The following TRIM61 variants were observed in gnomAD, a reference collection of about 807,000 sequenced individuals.
The protein encoded by TRIM61 is tripartite motif containing 61, also known as putative tripartite motif-containing protein 61.
TRIM61 carries 1 observed loss-of-function variant against 14.2 expected under a neutral mutation model. The observed-to-expected ratio is 0.07, with a 90% CI of 0.03 to 0.33. The LOEUF is 0.33. Ranked by LOEUF, TRIM61 falls within the 10% of genes least tolerant of loss-of-function variation. The pLI is 0.99. For missense variants in TRIM61, 19 were observed against 202.2 expected (o/e 0.09, Z 5.49); for synonymous variants, 8 against 71.6 (o/e 0.11, Z 4.49).
At chr4:164,968,162 G>GGAAAAAGAAAAGAAAA (rs1181641000) in intron 3 of TRIM61, 119 bp downstream of exon 3, 1 of 984,074 alleles carries the variant, frequency 1.0e-6, no homozygotes, top group Non-Finnish European at 1.2e-6. Flanking sequence ...GGGGAGAAGA[G>GGAAAAAGAAAAGAAAA]GAAAAAGAAA....
At chr4:164,959,433 C>T (rs1732085475) in intron 3 of TRIM61, among the ~76,000 whole-genome samples, 2 of 151,920 alleles carry the variant, frequency 1.3e-5, no homozygotes, top group East Asian at 1.9e-4. Flanking sequence ...TTTTGGTGAG[C>T]GTATCACCAG....
intron 3 of TRIM61, chr4:164,957,342 C>A (rs375185772): frequency 4.4e-5 from 71 of 1,613,870 alleles, no homozygotes; most frequent in Non-Finnish European, 5.7e-5. Flanking sequence ...CCGGCTGTCA[C>A]GCCACCGAAA....
intron 3 of TRIM61, among the ~76,000 whole-genome samples, chr4:164,964,591 C>T (rs1486879480): frequency 6.6e-6 from 1 of 152,144 alleles, no homozygotes; most frequent in Non-Finnish European, 1.5e-5. Context: ...GCTCTTTCCA[C>T]TATCTCAGTG....
chr4:164,968,273 A>G lies in TRIM61; in HGVS notation c.525+1205T>C, dbSNP rs1732283190. On this transcript the variant is annotated intron_variant, in intron 3 of 4. Transcript: ENST00000329314. Reference sequence around the variant, plus strand: ...TTAATCTTTCTTAAAGGAAAAGTATATAAGAAATACAGAAAAAAATTACTG... The same window carrying G: ...TTAATCTTTCTTAAAGGAAAAGTATGTAAGAAATACAGAAAAAAATTACTG... The G allele has an allele frequency of 4.4e-6, 4 of 901,378 alleles. No individual in the cohort carries two copies. Among genetic ancestry groups the G allele is most frequent in the Admixed American group, 7.6e-5 (1 of 13,126 alleles). 55.8% of individuals were successfully genotyped at this position (901,378 alleles called of 1,614,324 possible).
At chr4:164,971,173 C>T (rs1286020076) in intron 2 of TRIM61, among the ~76,000 whole-genome samples, 2 of 152,048 alleles carry the variant, frequency 1.3e-5, no homozygotes, top group East Asian at 1.9e-4. Flanking sequence ...TAATGTTGTA[C>T]CAGTTAAATT....
intron 2 of TRIM61, among the ~76,000 whole-genome samples, chr4:164,975,816 G>A (rs969299262): frequency 2.6e-4 from 39 of 152,154 alleles, no homozygotes; most frequent in African/African-American, 8.2e-4. Flanking sequence ...AAGGGTCTGT[G>A]CTGAGGTGAA....
chr4:164,966,101 A>G (rs1732234033), intron 3 of TRIM61, among the ~76,000 whole-genome samples: 2 of 152,346 alleles, frequency 1.3e-5, no homozygotes, highest in South Asian at 4.1e-4. Context: ...CCTTGAGAGT[A>G]TTCTGCAAGA....
intron 3 of TRIM61, chr4:164,957,441 C>G: frequency 1.2e-6 from 2 of 1,613,976 alleles, no homozygotes; most frequent in Non-Finnish European, 1.7e-6. Context: ...GTGACAAGGA[C>G]TAGAGGGTTT....
chr4:164,956,555 C>T (rs898530892), intron 3 of TRIM61, among the ~76,000 whole-genome samples: 2 of 152,190 alleles, frequency 1.3e-5, no homozygotes, highest in African/African-American at 4.8e-5. Flanking sequence ...TATATTTCAT[C>T]TTATAATTTC....
intron 3 of TRIM61, among the ~76,000 whole-genome samples, chr4:164,967,623 A>T (rs1732271153): frequency 6.6e-6 from 1 of 152,136 alleles, no homozygotes. Flanking sequence ...CTCATTTTCT[A>T]TAGGACTAAG....
At chr4:164,971,913 CGACAGT>C (rs1732375545) in intron 2 of TRIM61, among the ~76,000 whole-genome samples, 1 of 152,156 alleles carries the variant, frequency 6.6e-6, no homozygotes, top group Non-Finnish European at 1.5e-5. Flanking sequence ...CATAACCCAA[CGACAGT>C]GACAGTAATA....
chr4:164,958,930 A>G (rs1220649926), intron 3 of TRIM61: 2 of 167,082 alleles, frequency 1.2e-5, no homozygotes, highest in African/African-American at 4.8e-5. Flanking sequence ...TAAACTGAGA[A>G]TTTAGGTCTC....
intron 2 of TRIM61, among the ~76,000 whole-genome samples, chr4:164,971,687 T>C (rs1216298123): frequency 1.3e-5 from 2 of 152,108 alleles, no homozygotes; most frequent in East Asian, 3.9e-4. Flanking sequence ...ATGCATACCC[T>C]TTCAATCTTT....
chr4:164,972,517 C>T (rs1215009570), intron 2 of TRIM61, among the ~76,000 whole-genome samples: 5 of 151,588 alleles, frequency 3.3e-5, no homozygotes, highest in Non-Finnish European at 7.4e-5. Flanking sequence ...TGTGTGGAGC[C>T]TTGTTCTGTG....
chr4:164,957,055 T>G, intron 3 of TRIM61: 3 of 1,516,150 alleles, frequency 2.0e-6, no homozygotes, highest in Non-Finnish European at 2.7e-6. Flanking sequence ...GGGGCAGCTG[T>G]CCTCTTCTCC....
In TRIM61 at chr4:164,956,534, A is replaced by G. The variant is rs373277037; in HGVS notation, c.526-1438T>C. ...TGGAGTAAATTCCCAGACATCTTAT[A>G]ATTTCATCTGTATATTTCATCTTAT... On this transcript the variant is annotated intron_variant, in intron 3 of 4. Transcript: ENST00000329314. 6.6e-5 allele frequency among the ~76,000 whole-genome samples: 10 copies of G among 152,302 alleles called. No homozygotes were observed. The South Asian group carries it at 1.4e-3, about 22-fold the overall frequency.
chr4:164,972,582 G>A (rs896228424), intron 2 of TRIM61, among the ~76,000 whole-genome samples: 7 of 152,120 alleles, frequency 4.6e-5, no homozygotes, highest in African/African-American at 9.7e-5. Flanking sequence ...TCCACCTCCC[G>A]GGTTCAAGTG....
chr4:164,971,388 T>A (rs1014100443), intron 2 of TRIM61, among the ~76,000 whole-genome samples: 3 of 151,978 alleles, frequency 2.0e-5, no homozygotes, highest in Admixed American at 2.0e-4. Context: ...GGTCAGGTGT[T>A]CTAGACCAGC....
At chr4:164,969,035 G>A in intron 3 of TRIM61, 1 of 1,053,384 alleles carries the variant, frequency 9.5e-7, no homozygotes, top group Non-Finnish European at 1.1e-6. Context: ...TACATTTTGT[G>A]TTGTATTTCC....
Sources: allele counts gnomAD v4.1 joint callset (sites outside exome capture counted in the v4.1 genomes callset), GRCh38; gene constraint gnomAD v4.1.1; transcripts MANE v1.5; gene names NCBI Gene and HGNC (gene_info 2026-07-23, HGNC 2026-07-21).